SMYD3: variants seen among roughly 807,000 people sequenced by gnomAD.
The protein encoded by SMYD3 is SET and MYND domain containing 3.
In SMYD3, 36 loss-of-function variants were observed where a neutral mutation model predicts 57.7. The ratio of observed to expected loss-of-function variants is 0.62; its 90% CI spans 0.48 to 0.82. The LOEUF is 0.82. Among genes scored for constraint, SMYD3 ranks in the 40% least tolerant of loss-of-function variants. SMYD3 has a pLI of 0.00. For missense variants in SMYD3, 515 were observed against 538.8 expected, an observed-to-expected ratio of 0.96 and a Z score of 0.44; for synonymous variants, 211 against 195.0, an observed-to-expected ratio of 1.08 and a Z score of -0.68.
chr1:245,942,993 A>AG (rs997178034), intron 5 of SMYD3, among the ~76,000 whole-genome samples: 11 of 152,132 alleles, frequency 7.2e-5, no homozygotes, highest in African/African-American at 2.4e-4. Context: ...CAGTGTTAAG[A>AG]GGGGAATTTA....
intron 8 of SMYD3, among the ~76,000 whole-genome samples, chr1:245,884,676 G>C (rs905876018): frequency 1.3e-5 from 2 of 152,126 alleles, no homozygotes; most frequent in Non-Finnish European, 2.9e-5. Flanking sequence ...GGACTTTCTG[G>C]GTTGAGTGGG....
chr1:246,436,953 G>T (rs1272938407), intron 1 of SMYD3, among the ~76,000 whole-genome samples: 1 of 142,022 alleles, frequency 7.0e-6, no homozygotes, highest in African/African-American at 2.6e-5. Flanking sequence ...AGACTGAAGT[G>T]CAGTGACACA....
intron 5 of SMYD3, among the ~76,000 whole-genome samples, chr1:246,319,670 C>T (rs1173484993): frequency 5.9e-5 from 9 of 152,180 alleles, no homozygotes; most frequent in African/African-American, 1.7e-4. Context: ...TATACACACT[C>T]CTGACCTTTC....
intron 5 of SMYD3, among the ~76,000 whole-genome samples, chr1:246,030,224 T>C (rs1341761024): frequency 2.6e-5 from 4 of 151,892 alleles, no homozygotes; most frequent in African/African-American, 9.7e-5. Flanking sequence ...CATGATGGAG[T>C]ACTATTCAGC....
intron 8 of SMYD3, among the ~76,000 whole-genome samples, chr1:245,877,945 G>A (rs985072420): frequency 3.9e-5 from 6 of 152,102 alleles, no homozygotes; most frequent in Admixed American, 2.6e-4. Flanking sequence ...CCAATCCAAC[G>A]GGGCCCAAGA....
intron 5 of SMYD3, among the ~76,000 whole-genome samples, chr1:246,059,035 C>T (rs994714799): frequency 6.6e-6 from 1 of 152,208 alleles, no homozygotes; most frequent in African/African-American, 2.4e-5. Context: ...CCACCATGCC[C>T]GGCTAAATTT....
chr1:246,182,177 GAA>G (rs1489529039), intron 5 of SMYD3, among the ~76,000 whole-genome samples: 2 of 152,086 alleles, frequency 1.3e-5, no homozygotes, highest in Non-Finnish European at 2.9e-5. Context: ...AAGAGAGAGA[GAA>G]AGAGATCAAC....
chr1:245,894,181 A>C (rs2053588188), intron 8 of SMYD3, among the ~76,000 whole-genome samples: 1 of 152,180 alleles, frequency 6.6e-6, no homozygotes, highest in Admixed American at 6.5e-5. Flanking sequence ...AAAATGCACC[A>C]ATCAGTGCTC....
Position 246,444,297 on chromosome 1 carries a change from T to A in SMYD3, c.164+62757A>T, listed in dbSNP as rs920033713. Reference sequence around the variant, plus strand: ...TGTGCCACCACGCCTGGCTAATTTTTGTATTTTTGGTAGAGACGGGGTTTC... The same window carrying A: ...TGTGCCACCACGCCTGGCTAATTTTAGTATTTTTGGTAGAGACGGGGTTTC... On this transcript the variant is annotated intron_variant, in intron 1 of 11. Coordinates refer to ENST00000490107, the MANE Select transcript of SMYD3 (RefSeq NM_001167740.2). Among the ~76,000 whole-genome samples the A allele has an allele frequency of 5.9e-5, 9 of 152,102 alleles. 1 individual carries two copies. In the South Asian group the frequency reaches 6.2e-4, roughly 11 times the overall value.
intron 4 of SMYD3, among the ~76,000 whole-genome samples, chr1:246,328,301 T>C (rs2065391417): frequency 1.3e-5 from 2 of 152,160 alleles, no homozygotes; most frequent in Non-Finnish European, 2.9e-5. Context: ...ACTACCCCCT[T>C]AAATATCATT....
chr1:245,835,889 C>T (rs756419701), intron 10 of SMYD3, among the ~76,000 whole-genome samples: 13 of 152,180 alleles, frequency 8.5e-5, no homozygotes, highest in African/African-American at 2.9e-4. Context: ...TCTCCGTCGA[C>T]GTGACTTGTT....
At chr1:245,832,844 T>C (rs1452551765) in intron 10 of SMYD3, among the ~76,000 whole-genome samples, 1 of 152,148 alleles carries the variant, frequency 6.6e-6, no homozygotes, top group Non-Finnish European at 1.5e-5. Flanking sequence ...ATATTTTCCT[T>C]AATTGAATAA....
intron 5 of SMYD3, among the ~76,000 whole-genome samples, chr1:246,069,137 GTC>G (rs1572973526): frequency 6.6e-6 from 1 of 152,114 alleles, no homozygotes; most frequent in Non-Finnish European, 1.5e-5. Flanking sequence ...ACCGCCCCCA[GTC>G]ACACAGCCTG....
intron 5 of SMYD3, among the ~76,000 whole-genome samples, chr1:246,125,784 C>A (rs2061500017): frequency 6.6e-6 from 1 of 151,946 alleles, no homozygotes; most frequent in African/African-American, 2.4e-5. Context: ...CAAATATGGG[C>A]AATATGGCTA....
At chr1:246,292,661 C>T (rs2064718384) in intron 5 of SMYD3, among the ~76,000 whole-genome samples, 1 of 152,150 alleles carries the variant, frequency 6.6e-6, no homozygotes, top group African/African-American at 2.4e-5. Context: ...TGCAGTAAAC[C>T]ATGTGACACA....
intron 10 of SMYD3, among the ~76,000 whole-genome samples, chr1:245,838,106 C>T (rs1304699527): frequency 2.0e-5 from 3 of 152,196 alleles, no homozygotes; most frequent in African/African-American, 7.2e-5. Context: ...AAGTGTCATC[C>T]AGAAACAGAA....
intron 5 of SMYD3, among the ~76,000 whole-genome samples, chr1:246,008,573 T>C (rs1225205456): frequency 2.6e-5 from 4 of 152,170 alleles, no homozygotes; most frequent in Non-Finnish European, 5.9e-5. Flanking sequence ...GAAAAATAAA[T>C]ACTAGAGGCT....
At chr1:245,823,364 CTCTCTCTTT>C (rs2049290777) in intron 10 of SMYD3, among the ~76,000 whole-genome samples, 1 of 152,118 alleles carries the variant, frequency 6.6e-6, no homozygotes, top group Non-Finnish European at 1.5e-5. Flanking sequence ...CTCGCTCTCT[CTCTCTCTTT>C]TCTAAGGCTC....
At chr1:246,247,487 T>TATATATATATATATATATA (rs1558347068) in intron 5 of SMYD3, among the ~76,000 whole-genome samples, 4 of 141,362 alleles carry the variant, frequency 2.8e-5, no homozygotes, top group African/African-American at 1.1e-4. Context: ...ATATATATAT[T>TATATATATATATATATATA]TTTTAACATG....
Sources: allele counts gnomAD v4.1 joint callset (sites outside exome capture counted in the v4.1 genomes callset), GRCh38; gene constraint gnomAD v4.1.1; transcripts MANE v1.5; gene names NCBI Gene and HGNC (gene_info 2026-07-23, HGNC 2026-07-21).